Variants in ST3GAL3 observed in about 807,000 individuals in gnomAD.
ST3GAL3 encodes the protein CMP-N-acetylneuraminate-beta-1,4-galactoside alpha-2,3-sialyltransferase.
In ST3GAL3, 21 loss-of-function variants were observed where a neutral mutation model predicts 50.1. The observed-to-expected ratio is 0.42, with a 90% CI of 0.30 to 0.60. The LOEUF (loss-of-function observed/expected upper bound fraction) is 0.60. ST3GAL3 is among the 20% of genes least tolerant of loss of function. The pLI is 0.19. For missense variants in ST3GAL3, 353 were observed against 489.4 expected (o/e 0.72, Z 2.63); for synonymous variants, 183 against 190.0 (o/e 0.96, Z 0.30).
At chr1:43,851,745 G>A (rs945322628) in intron 5 of ST3GAL3, 2 of 945,588 alleles carry the variant, frequency 2.1e-6, no homozygotes, top group East Asian at 2.4e-5. Flanking sequence ...GCATGGGTCC[G>A]AAGCTGCCGG....
At chr1:43,802,924 T>TTTTTG (rs922670802) in intron 3 of ST3GAL3, among the ~76,000 whole-genome samples, 7 of 151,928 alleles carry the variant, frequency 4.6e-5, no homozygotes, top group South Asian at 2.1e-4. Flanking sequence ...AGTTGGTTGG[T>TTTTTG]TTTTGTTTTG....
intron 1 of ST3GAL3, among the ~76,000 whole-genome samples, chr1:43,708,297 A>G (rs531366445): frequency 1.3e-5 from 2 of 152,156 alleles, no homozygotes; most frequent in Non-Finnish European, 2.9e-5. Flanking sequence ...TTTTACAACA[A>G]TGTCCATTTT....
intron 5 of ST3GAL3, among the ~76,000 whole-genome samples, chr1:43,886,895 T>C (rs983874165): frequency 1.3e-5 from 2 of 152,198 alleles, no homozygotes; most frequent in Non-Finnish European, 2.9e-5. Context: ...CTGAGCCTTA[T>C]TGTGTGCATA....
chr1:43,809,515 G>T (rs764481256), intron 3 of ST3GAL3, among the ~76,000 whole-genome samples: 17 of 151,988 alleles, frequency 1.1e-4, no homozygotes, highest in Non-Finnish European at 2.2e-4. Flanking sequence ...GGCCAACATA[G>T]TGAGACCCCT....
At chr1:43,903,833 C>A (rs562339046) in intron 9 of ST3GAL3, among the ~76,000 whole-genome samples, 2 of 152,276 alleles carry the variant, frequency 1.3e-5, no homozygotes, top group East Asian at 3.9e-4. Flanking sequence ...TATTAGTGGG[C>A]TACCTTAGGC....
intron 9 of ST3GAL3, among the ~76,000 whole-genome samples, chr1:43,906,569 TC>T (rs1162785404): frequency 8.1e-6 from 1 of 122,914 alleles, no homozygotes; most frequent in Non-Finnish European, 1.7e-5. Flanking sequence ...CCGCCACTCT[TC>T]CTCCTCCTCC....
chr1:43,874,821 C>T (rs181278968), intron 5 of ST3GAL3, among the ~76,000 whole-genome samples: 2 of 152,086 alleles, frequency 1.3e-5, no homozygotes, highest in Non-Finnish European at 2.9e-5. Flanking sequence ...TCTATGGGAA[C>T]AAGAATGAGG....
chr1:43,748,113 A>C (rs1343384086), intron 2 of ST3GAL3, among the ~76,000 whole-genome samples: 1 of 152,184 alleles, frequency 6.6e-6, no homozygotes, highest in Non-Finnish European at 1.5e-5. Context: ...CTCAGGAACT[A>C]GGAGCAGAAA....
rs141640396 is a variant in ST3GAL3, at chr1:43,829,405, C to A, written c.210-8814C>A. Among the ~76,000 whole-genome samples the A allele has an allele frequency of 6.1e-3, 935 of 152,306 alleles. 5 individuals carry two copies. The highest frequency in any genetic ancestry group is 0.01 in the Admixed American group (154 of 15,302). On this transcript the variant is annotated intron_variant, in intron 4 of 11. Coordinates refer to ENST00000347631, the MANE Select transcript of ST3GAL3 (RefSeq NM_006279.5). ...CTATTATTTTGCTTCCCAAATATAT[C>A]TTACAAATATTCTTCCTGTCTATAT...
At chr1:43,862,028 TAAAAAAA>T (rs78700565) in intron 5 of ST3GAL3, among the ~76,000 whole-genome samples, 1 of 130,972 alleles carries the variant, frequency 7.6e-6, no homozygotes, top group South Asian at 2.4e-4. Context: ...AAATCTGTCT[TAAAAAAA>T]AAAAAAAAAA....
chr1:43,760,714 C>T (rs942603837), intron 2 of ST3GAL3, among the ~76,000 whole-genome samples: 1 of 152,038 alleles, frequency 6.6e-6, no homozygotes, highest in Non-Finnish European at 1.5e-5. Flanking sequence ...TGAGATCATA[C>T]CACTGCATTC....
intron 5 of ST3GAL3, among the ~76,000 whole-genome samples, chr1:43,875,247 A>G (rs1422414188): frequency 2.0e-5 from 3 of 152,206 alleles, no homozygotes; most frequent in East Asian, 3.8e-4. Context: ...GAGTTTAGCT[A>G]TGACAGCAGG....
intron 5 of ST3GAL3, among the ~76,000 whole-genome samples, chr1:43,882,495 A>C (rs574065738): frequency 6.6e-6 from 1 of 152,218 alleles, no homozygotes; most frequent in Non-Finnish European, 1.5e-5. Context: ...ATTAGTTTAC[A>C]TAACTGTGAA....
intron 5 of ST3GAL3, among the ~76,000 whole-genome samples, chr1:43,859,491 G>A (rs1042217824): frequency 2.6e-5 from 4 of 151,826 alleles, no homozygotes; most frequent in South Asian, 2.1e-4. Context: ...CCTGGGAGGC[G>A]AAGGTTGCAG....
chr1:43,735,099 G>A (rs1052321964), intron 1 of ST3GAL3, among the ~76,000 whole-genome samples: 4 of 152,178 alleles, frequency 2.6e-5, no homozygotes, highest in African/African-American at 9.7e-5. Context: ...AGATGGATTG[G>A]AGAGTAAATC....
At chr1:43,831,491 G>A (rs2063542722) in intron 4 of ST3GAL3, among the ~76,000 whole-genome samples, 1 of 152,218 alleles carries the variant, frequency 6.6e-6, no homozygotes, top group Non-Finnish European at 1.5e-5. Flanking sequence ...TTCTGTTCAG[G>A]TTCAGGAACC....
chr1:43,911,122 A>C (rs1318148844), intron 9 of ST3GAL3: 2 of 146,918 alleles, frequency 1.4e-5, no homozygotes, highest in Admixed American at 1.4e-4. Flanking sequence ...AGTGAGGAGG[A>C]GTCTACACAC....
At position 43,757,729 on chromosome 1, in the gene ST3GAL3, G is replaced by C. The variant is rs538285651; in HGVS notation, c.118+21349G>C. 3.9e-5 allele frequency among the ~76,000 whole-genome samples: 6 copies of C among 152,246 alleles called. No individual in the cohort carries two copies. The East Asian group carries it at 1.2e-3, about 29-fold the overall frequency. Reference sequence around the variant, plus strand: ...AGGAGAGAAATGTTAGTGATTTTGAGTTTGGTAAAGATTTCTTAAATAGGG... The same window carrying C: ...AGGAGAGAAATGTTAGTGATTTTGACTTTGGTAAAGATTTCTTAAATAGGG... On this transcript the variant is annotated intron_variant, in intron 2 of 11. Coordinates refer to ENST00000347631, the MANE Select transcript of ST3GAL3 (RefSeq NM_006279.5).
At chr1:43,714,413 C>A (rs767844821) in intron 1 of ST3GAL3, among the ~76,000 whole-genome samples, 1 of 148,150 alleles carries the variant, frequency 6.7e-6, no homozygotes, top group Non-Finnish European at 1.5e-5. Context: ...CACGGTGAAA[C>A]CCCGTCTCTA....
Sources: allele counts gnomAD v4.1 joint callset (sites outside exome capture counted in the v4.1 genomes callset), GRCh38; gene constraint gnomAD v4.1.1; transcripts MANE v1.5; gene names NCBI Gene and HGNC (gene_info 2026-07-23, HGNC 2026-07-21).